Variants in UNC13C observed in about 807,000 individuals in gnomAD.
UNC13C encodes the protein protein unc-13 homolog C.
In UNC13C, 174 loss-of-function variants were observed where a neutral mutation model predicts 245.4. The ratio of observed to expected loss-of-function variants is 0.71; its 90% CI spans 0.63 to 0.80. UNC13C has a LOEUF of 0.80. Ranked by LOEUF, UNC13C falls within the 30% of genes least tolerant of loss-of-function variation. The pLI is 0.00. For synonymous variants in UNC13C, 992 were observed against 895.1 expected, an observed-to-expected ratio of 1.11 and a Z score of -1.93; for missense variants, 2,829 against 2,602.9, an observed-to-expected ratio of 1.09 and a Z score of -1.89.
intron 2 of UNC13C, 144 bp downstream of exon 2, chr15:54,016,030 T>A: frequency 1.4e-6 from 1 of 714,230 alleles, no homozygotes; most frequent in South Asian, 2.4e-5. Context: ...GCATTTTGTT[T>A]TACTCAGGCA....
At chr15:54,606,108 T>A (rs764212553) in intron 30 of UNC13C, among the ~76,000 whole-genome samples, 6 of 152,208 alleles carry the variant, frequency 3.9e-5, no homozygotes, top group Non-Finnish European at 7.3e-5. Flanking sequence ...TTGTTATTGT[T>A]ATTAAAGTAT....
chr15:54,373,217 T>A (rs2039530419), intron 17 of UNC13C, among the ~76,000 whole-genome samples: 1 of 152,202 alleles, frequency 6.6e-6, no homozygotes, highest in Non-Finnish European at 1.5e-5. Context: ...TCTGTGAGCC[T>A]TTAGCAGCCA....
chr15:54,531,855 G>C (rs987433195), intron 25 of UNC13C, among the ~76,000 whole-genome samples: 3 of 152,000 alleles, frequency 2.0e-5, no homozygotes, highest in African/African-American at 7.3e-5. Context: ...TCCAGCCCTA[G>C]GAAACCACTA....
intron 4 of UNC13C, among the ~76,000 whole-genome samples, chr15:54,153,917 G>T (rs763708163): frequency 6.6e-6 from 1 of 151,670 alleles, no homozygotes; most frequent in Non-Finnish European, 1.5e-5. Flanking sequence ...TCTAAAAATT[G>T]GTATATAATA....
chr15:54,519,064 C>A (rs1468838293), intron 24 of UNC13C, among the ~76,000 whole-genome samples: 1 of 152,090 alleles, frequency 6.6e-6, no homozygotes, highest in Non-Finnish European at 1.5e-5. Context: ...CCATGTGGCT[C>A]CAAAAGCATA....
the UNC13C span, among the ~76,000 whole-genome samples, chr15:53,853,987 T>C: frequency 6.6e-6 from 1 of 152,174 alleles, no homozygotes; most frequent in South Asian, 2.1e-4. Context: ...GTGCAGAAGC[T>C]CTTTAGTTTA....
chr15:54,600,550 A>G (rs1368233277), intron 30 of UNC13C, among the ~76,000 whole-genome samples: 1 of 152,056 alleles, frequency 6.6e-6, no homozygotes. Context: ...GTACTGACCT[A>G]TTGCTAAATG....
intron 2 of UNC13C, among the ~76,000 whole-genome samples, chr15:54,060,026 C>T (rs1206226502): frequency 2.0e-5 from 3 of 152,158 alleles, no homozygotes; most frequent in Non-Finnish European, 4.4e-5. Flanking sequence ...AGAAGAAAAC[C>T]TAGGCAATAC....
At chr15:54,605,787 C>T (rs771600876) in intron 30 of UNC13C, among the ~76,000 whole-genome samples, 7 of 152,338 alleles carry the variant, frequency 4.6e-5, no homozygotes, top group East Asian at 1.9e-4. Flanking sequence ...ATTGCTCGAT[C>T]GCTTAAATGC....
At chr15:53,926,980 G>A in the UNC13C span, among the ~76,000 whole-genome samples, 1 of 152,132 alleles carries the variant, frequency 6.6e-6, no homozygotes. Flanking sequence ...TTTTCCTCCA[G>A]AAAAAGGTCT....
At chr15:54,542,048 G>A (rs914753354) in intron 26 of UNC13C, among the ~76,000 whole-genome samples, 6 of 151,956 alleles carry the variant, frequency 3.9e-5, no homozygotes, top group African/African-American at 7.3e-5. Context: ...TGTAACATGG[G>A]TGAAAAATAT....
chr15:54,405,576 A>G (rs1395421054), intron 18 of UNC13C, among the ~76,000 whole-genome samples: 1 of 152,182 alleles, frequency 6.6e-6, no homozygotes, highest in South Asian at 2.1e-4. Context: ...ACAAGTCTAC[A>G]AAGGCAAGTT....
chr15:53,998,400 AT>A (rs1222556281), intron 1 of UNC13C, among the ~76,000 whole-genome samples: 24 of 151,918 alleles, frequency 1.6e-4, no homozygotes, highest in African/African-American at 5.3e-4. Flanking sequence ...GTTATAATTG[AT>A]TTTTTATCTT....
At chr15:54,222,149 T>G (rs35087918) in intron 4 of UNC13C, among the ~76,000 whole-genome samples, 20,353 of 151,986 alleles carry the variant, frequency 0.13, 1,506 homozygotes, top group Admixed American at 0.17. Flanking sequence ...GTACAATAAA[T>G]TATTGTTGAC....
chr15:53,899,101 C>T, the UNC13C span, among the ~76,000 whole-genome samples: 1 of 152,174 alleles, frequency 6.6e-6, no homozygotes, highest in African/African-American at 2.4e-5. Context: ...TGTCACATCT[C>T]AGAGAAGCAT....
At chr15:54,455,191 CTCTCTCTCTCTCTCTATATA>C (rs1269056637) in intron 19 of UNC13C, among the ~76,000 whole-genome samples, 6 of 40,004 alleles carry the variant, frequency 1.5e-4, no homozygotes, top group African/African-American at 4.9e-4. Context: ...CTCTCTCTCT[CTCTCTCTCTCTCTCTATATA>C]TATATATATA....
intron 23 of UNC13C, among the ~76,000 whole-genome samples, chr15:54,510,043 A>C (rs992715917): frequency 6.6e-6 from 1 of 152,156 alleles, no homozygotes; most frequent in Admixed American, 6.5e-5. Flanking sequence ...AAGAGTTGGC[A>C]GTTGACCTTT....
chr15:54,451,435 C>G (rs756303322), intron 19 of UNC13C, among the ~76,000 whole-genome samples: 17 of 151,868 alleles, frequency 1.1e-4, no homozygotes, highest in Non-Finnish European at 2.5e-4. Flanking sequence ...TTTATGCTGT[C>G]CCATATGTCA....
At chr15:53,947,263 T>C in the UNC13C span, among the ~76,000 whole-genome samples, 2 of 152,226 alleles carry the variant, frequency 1.3e-5, no homozygotes, top group African/African-American at 4.8e-5. Flanking sequence ...ATTAGACTTT[T>C]AAGCACCATT....
Sources: gnomAD v4.1 joint callset for allele counts (sites outside exome capture counted in the v4.1 genomes callset) on GRCh38, gnomAD v4.1.1 for gene constraint, MANE v1.5 for transcripts, NCBI Gene and HGNC (gene_info 2026-07-23, HGNC 2026-07-21) for gene names.